Variants in EFL1 observed in about 807,000 individuals in gnomAD.
EFL1 encodes the protein elongation factor like GTPase 1.
EFL1 carries 76 observed loss-of-function variants against 126.7 expected under a neutral mutation model. That is an observed-to-expected ratio of 0.60 (90% CI 0.50 to 0.73). The LOEUF is 0.73. EFL1 is among the 30% of genes least tolerant of loss of function. The probability of loss-of-function intolerance (pLI) is 0.00; values close to 1 mark genes in which losing one functional copy is unlikely to be tolerated. For missense variants in EFL1, 1,128 were observed against 1,343.2 expected (o/e 0.84, Z 2.50); for synonymous variants, 410 against 448.4 (o/e 0.91, Z 1.08).
chr15:82,249,560 T>C lies in EFL1; in HGVS notation c.244+3131A>G, dbSNP rs1386237104. The stretch of plus-strand genomic sequence containing the variant: ...ATTTCTCTCTTCTGTATCTGGATTC[T>C]AGGCTAAAGGATTCAAAGGCATTAC... On this transcript the variant is annotated intron_variant, in intron 4 of 19. Transcript: ENST00000268206. Among the ~76,000 whole-genome samples, 6 of 152,102 alleles carry C rather than the reference T, an allele frequency of 3.9e-5. No homozygotes were observed. In the East Asian group the frequency reaches 1.2e-3, roughly 29 times the overall value.
intron 15 of EFL1, among the ~76,000 whole-genome samples, chr15:82,187,777 C>T (rs1007882921): frequency 6.6e-6 from 1 of 151,930 alleles, no homozygotes. Context: ...TCTAAAATGT[C>T]TAGAGGAGGG....
intron 15 of EFL1, among the ~76,000 whole-genome samples, chr15:82,187,716 A>G (rs2074317490): frequency 6.6e-6 from 1 of 152,072 alleles, no homozygotes; most frequent in Admixed American, 6.5e-5. Flanking sequence ...TACAATTTCT[A>G]TTCTGTAAAT....
rs2074785569 is a variant in EFL1 at position 82,228,289 on chromosome 15, C to T, written c.971G>A (p.Gly324Glu). 1 of 1,613,858 alleles carries T rather than the reference C, an allele frequency of 6.2e-7. No individual in the cohort carries two copies. Among genetic ancestry groups the T allele is most frequent in the Non-Finnish European group, 8.5e-7 (1 of 1,179,932 alleles). ...DKIDKIVTSLGLKIGAREARH... is the reference protein window; with the variant it reads ...DKIDKIVTSLELKIGAREARH... ...TGCCTCCCGGGCTCCAATTTTTAAT[C>T]CTAAAGAAGTCACTATTTTATCAAT... Residue 324 changes from glycine to glutamate, a missense_variant, in exon 10 of 20, where the codon GGA becomes GAA. Physicochemically the swap from Gly to Glu is moderately conservative, Grantham distance 98. Coordinates refer to ENST00000268206, the MANE Select transcript of EFL1 (RefSeq NM_024580.6).
intron 18 of EFL1, among the ~76,000 whole-genome samples, chr15:82,143,078 G>A (rs751662892): frequency 2.0e-5 from 3 of 149,760 alleles, no homozygotes; most frequent in Non-Finnish European, 4.4e-5. Context: ...AAGGTATGTT[G>A]TTTTTTTCAG....
chr15:82,159,201 A>G (rs1293536592), intron 16 of EFL1, among the ~76,000 whole-genome samples: 1 of 152,180 alleles, frequency 6.6e-6, no homozygotes, highest in Non-Finnish European at 1.5e-5. Flanking sequence ...TCTAGTGTTA[A>G]CTAAGCCTTC....
In EFL1 at chr15:82,130,305, C is replaced by A; in HGVS notation, c.*68G>T. On this transcript the variant is annotated 3_prime_UTR_variant, in exon 20 of 20. Transcript: ENST00000268206. Reference sequence around the variant, plus strand: ...GATAATGTGGCAAAAAGAAATTTTCCCAATATTAAACCCTTGATGATACTT... The same window carrying A: ...GATAATGTGGCAAAAAGAAATTTTCACAATATTAAACCCTTGATGATACTT... 4 of 1,504,150 alleles carry A rather than the reference C, an allele frequency of 2.7e-6. No individual in the cohort carries two copies. Among genetic ancestry groups the A allele is most frequent in the South Asian group, 2.7e-5 (2 of 74,294 alleles). 93.2% of individuals were successfully genotyped at this position (1,504,150 alleles called of 1,614,324 possible).
intron 18 of EFL1, among the ~76,000 whole-genome samples, chr15:82,151,136 G>A (rs981746251): frequency 1.4e-4 from 22 of 152,164 alleles, no homozygotes; most frequent in Admixed American, 1.4e-3. Flanking sequence ...TGTAATCCCA[G>A]AACTTTGGGA....
intron 15 of EFL1, among the ~76,000 whole-genome samples, chr15:82,170,558 A>C (rs559413656): frequency 3.7e-4 from 57 of 152,232 alleles, no homozygotes; most frequent in Non-Finnish European, 6.6e-4. Context: ...TTTGGAATCC[A>C]AGGAACTTGA....
At chr15:82,173,059 A>G (rs2074153451) in intron 15 of EFL1, among the ~76,000 whole-genome samples, 1 of 152,202 alleles carries the variant, frequency 6.6e-6, no homozygotes. Flanking sequence ...ATCTATGTGC[A>G]CAAGGAAAAA....
intron 4 of EFL1, among the ~76,000 whole-genome samples, chr15:82,249,547 T>C (rs2075002642): frequency 6.6e-6 from 1 of 152,110 alleles, no homozygotes; most frequent in African/African-American, 2.4e-5. Context: ...TTCTCTCTTC[T>C]GTATCTGGAT....
intron 18 of EFL1, 144 bp from the exon 19 acceptor site, chr15:82,138,986 C>CTT: frequency 1.2e-6 from 1 of 802,420 alleles, no homozygotes; most frequent in Non-Finnish European, 1.8e-6. Context: ...GCAAGGAACA[C>CTT]TTTTTAAGTG....
At position 82,151,798 on chromosome 15, in the gene EFL1, G is replaced by A. The variant is rs769172763; in HGVS notation, c.2656C>T (p.Pro886Ser). Reference sequence around the variant, plus strand: ...AGAACAAAACAGACACCCATGAGAGGCTCCTCACACATGGGGCCAGAGAGG... The same window carrying A: ...AGAACAAAACAGACACCCATGAGAGACTCCTCACACATGGGGCCAGAGAGG... ...ATLSGPMCEE[P>S]LMGVCFVLEK... is the part of the protein sequence containing the mutation. Residue 886 changes from proline (P) to serine (S), a missense_variant, in exon 18 of 20, where the codon CCT becomes TCT. Physicochemically the swap from Pro to Ser is moderately conservative, Grantham distance 74. Around this residue, in one of 6 missense-constraint regions of EFL1, gnomAD observed 561 missense variants for 641.7 expected, o/e 0.87. Coordinates refer to ENST00000268206, the MANE Select transcript of EFL1 (RefSeq NM_024580.6). 2.5e-6 allele frequency: 4 copies of A among 1,613,914 alleles called. No homozygotes were observed.
At position 82,157,772 on chromosome 15, in the gene EFL1, G is replaced by C. The variant is rs779232326; in HGVS notation, c.1971C>G (p.His657Gln). ...GGACTTCTCCTGCTGTGACTAAAAC[G>C]TGCTCTCCCGTTTCCTGAATTAAAA... is the stretch of plus-strand genomic sequence containing the variant. ...VQILIQETGE[H>Q]VLVTAGEVHL... The change falls in exon 17 of 20, where the codon CAC (histidine) becomes CAG (glutamine). Residue 657 changes from histidine (H) to glutamine (Q), a missense_variant. Around this residue, in one of 6 missense-constraint regions of EFL1, gnomAD observed 561 missense variants for 641.7 expected, o/e 0.87. Transcript: ENST00000268206. 6.2e-7 allele frequency: 1 copy of C among 1,614,034 alleles called. No individual in the cohort carries two copies. The highest frequency in any genetic ancestry group is 8.5e-7 in the Non-Finnish European group (1 of 1,179,978).
Position 82,240,424 on chromosome 15 carries a change from T to C in EFL1, c.510A>G (p.Leu170=). 1 of 1,590,884 alleles carries C rather than the reference T, an allele frequency of 6.3e-7. No individual in the cohort carries two copies. The highest frequency in any genetic ancestry group is 8.6e-7 in the Non-Finnish European group (1 of 1,167,684). Residue 170 remains leucine (L), a synonymous_variant, in exon 6 of 20, where the codon TTA becomes TTG. Transcript: ENST00000268206. ...ATACTAAAAATTAAAATACCTGTTC[T>C]AAAATATTCTTGAGGTGAGAATAGG... ...QEAYSHLKNI[L]EQINALTGTL... is the part of the protein sequence containing the mutation.
At chr15:82,234,032 G>A (rs552817019) in intron 7 of EFL1, among the ~76,000 whole-genome samples, 1 of 152,136 alleles carries the variant, frequency 6.6e-6, no homozygotes, top group South Asian at 2.1e-4. Flanking sequence ...TTCATTTATT[G>A]GCTGATAGTA....
intron 15 of EFL1, among the ~76,000 whole-genome samples, chr15:82,207,286 GTATATA>G (rs752549886): frequency 1.4e-5 from 2 of 140,028 alleles, no homozygotes; most frequent in African/African-American, 2.6e-5. Context: ...TTATGTGTGT[GTATATA>G]TATATATATA....
intron 7 of EFL1, among the ~76,000 whole-genome samples, chr15:82,232,269 T>C (rs1457860093): frequency 2.6e-5 from 4 of 152,336 alleles, no homozygotes; most frequent in Middle Eastern, 3.4e-3. Flanking sequence ...TATTGGCGAC[T>C]TGGGTCTATT....
intron 15 of EFL1, among the ~76,000 whole-genome samples, chr15:82,205,732 T>G (rs528083296): frequency 6.6e-6 from 1 of 152,378 alleles, no homozygotes; most frequent in East Asian, 1.9e-4. Flanking sequence ...GAATATACTC[T>G]TTGAAGATGG....
intron 6 of EFL1, among the ~76,000 whole-genome samples, chr15:82,239,589 C>T (rs754866678): frequency 5.9e-5 from 9 of 152,202 alleles, no homozygotes; most frequent in East Asian, 1.9e-4. Context: ...CAAACTCTCA[C>T]GCACGGCATA....
Sources: gnomAD v4.1 joint callset for allele counts (sites outside exome capture counted in the v4.1 genomes callset) on GRCh38, gnomAD v4.1.1 for gene constraint, gnomAD v4.1.1 regional missense constraint, MANE v1.5 for transcripts, NCBI Gene and HGNC (gene_info 2026-07-23, HGNC 2026-07-21) for gene names.